The following VIPR2 variants were observed in gnomAD, a reference collection of about 807,000 sequenced individuals.
The protein encoded by VIPR2 is vasoactive intestinal peptide receptor 2.
Under a neutral mutation model 58.0 loss-of-function variants are expected in VIPR2, and 48 were observed. The observed-to-expected ratio is 0.83, with a 90% CI of 0.66 to 1.05. VIPR2 has a LOEUF of 1.05. Among genes scored for constraint, VIPR2 ranks in the 50% least tolerant of loss-of-function variants. The pLI, the probability that VIPR2 is intolerant of heterozygous loss-of-function variation, is 0.00. For synonymous variants in VIPR2, 243 were observed against 235.2 expected (o/e 1.03, Z -0.30); for missense variants, 534 against 558.0 (o/e 0.96, Z 0.43).
At chr7:159,124,803 G>A (rs1796596496) in intron 2 of VIPR2, among the ~76,000 whole-genome samples, 2 of 152,114 alleles carry the variant, frequency 1.3e-5, no homozygotes, top group South Asian at 4.1e-4. Flanking sequence ...TGTCACCTCT[G>A]ATTTCTTTGA....
Position 159,132,789 on chromosome 7 carries a change from C to CAGATTGATTTT in VIPR2, c.151+9656_151+9657insAAAATCAATCT, listed in dbSNP as rs1563354997. ...GATTTCAGACAGAATGATTGGCATA[C>CAGATTGATTTT]AGACTGATTTCAGACAGAATGATTG... On this transcript the variant is annotated intron_variant, in intron 2 of 12. Coordinates refer to ENST00000262178, the MANE Select transcript of VIPR2 (RefSeq NM_003382.5). Among the ~76,000 whole-genome samples, 16 of 141,274 alleles carry CAGATTGATTTT rather than the reference C, an allele frequency of 1.1e-4. 1 individual carries two copies. The highest frequency in any genetic ancestry group is 3.5e-4 in the African/African-American group (14 of 39,580). The allele number at this position is 141,274 out of a possible 152,430, so 92.7% of individuals were successfully genotyped here. A position where few individuals can be genotyped will look rare whatever the true frequency, so the allele number is the denominator to read the frequency against.
intron 4 of VIPR2, among the ~76,000 whole-genome samples, chr7:159,100,864 A>T (rs58692092): frequency 0.18 from 23,097 of 126,640 alleles, 2,157 homozygotes; most frequent in Middle Eastern, 0.36. Context: ...TGTTCCTGTG[A>T]TAGTGAATGG....
intron 4 of VIPR2, chr7:159,059,176 T>C: frequency 2.1e-6 from 1 of 467,500 alleles, no homozygotes; most frequent in Non-Finnish European, 4.4e-6. Context: ...ATGATCATCA[T>C]GGTGGCAGAA....
At chr7:159,073,470 T>A (rs1170801601) in intron 4 of VIPR2, among the ~76,000 whole-genome samples, 1 of 152,190 alleles carries the variant, frequency 6.6e-6, no homozygotes, top group African/African-American at 2.4e-5. Context: ...CAGGTTGGAG[T>A]GAAGTGGCCC....
At position 159,043,061 on chromosome 7, in the gene VIPR2, G is replaced by A. The variant is rs777581317; in HGVS notation, c.571C>T (p.His191Tyr). The A allele has an allele frequency of 1.9e-6, 3 of 1,614,166 alleles. No individual in the cohort carries two copies. Among genetic ancestry groups the A allele is most frequent in the Non-Finnish European group, 2.5e-6 (3 of 1,180,016 alleles). The change falls in exon 6 of 13, where the codon CAC (histidine) becomes TAC (tyrosine). Residue 191 changes from histidine (H) to tyrosine (Y), a missense_variant. Coordinates refer to ENST00000262178, the MANE Select transcript of VIPR2 (RefSeq NM_003382.5). The stretch of plus-strand genomic sequence containing the variant: ...CAGGAGGATGGCTGGTCAGGGCAGT[G>A]CAACGTGCCAGAGCTGGAGTAGAGA... ...DVLYSSSGTL[H>Y]CPDQPSSWVG...
Position 159,134,508 on chromosome 7 carries a change from G to T in VIPR2, c.151+7938C>A, listed in dbSNP as rs551952140. ...AATGAGTAAGAAAAAAACTGAGTGG[G>T]TATACACAGTTGTAGAAAGTCTGAC... is the stretch of plus-strand genomic sequence containing the variant. On this transcript the variant is annotated intron_variant, in intron 2 of 12. Transcript: ENST00000262178. 2.0e-4 allele frequency among the ~76,000 whole-genome samples: 30 copies of T among 152,178 alleles called. No individual in the cohort carries two copies. In the South Asian group the frequency reaches 6.2e-3, roughly 32 times the overall value.
At chr7:159,111,778 G>T (rs558528511) in intron 2 of VIPR2, among the ~76,000 whole-genome samples, 25 of 152,294 alleles carry the variant, frequency 1.6e-4, no homozygotes, top group African/African-American at 5.5e-4. Context: ...GCAGGCTGAG[G>T]CGGGATAATC....
At position 159,128,583 on chromosome 7, in the gene VIPR2, T is replaced by C. The variant is rs1308284649; in HGVS notation, c.151+13863A>G. Reference sequence around the variant, plus strand: ...CTGACCCTGCCTTCTTTGCTCTCCATGAAATTTCAGGAGGAGCATCCACTG... The same window carrying C: ...CTGACCCTGCCTTCTTTGCTCTCCACGAAATTTCAGGAGGAGCATCCACTG... On this transcript the variant is annotated intron_variant, in intron 2 of 12. Coordinates refer to ENST00000262178, the MANE Select transcript of VIPR2 (RefSeq NM_003382.5). This position sits in a 1 kb window ranked among gnomAD's most constrained non-coding sequence, Gnocchi z 4.1. 6.6e-6 allele frequency among the ~76,000 whole-genome samples: 1 copy of C among 152,132 alleles called. No homozygotes were observed. Among genetic ancestry groups the C allele is most frequent in the Non-Finnish European group, 1.5e-5 (1 of 68,018 alleles).
chr7:159,132,821 C>A (rs10275755), intron 2 of VIPR2, among the ~76,000 whole-genome samples: 7,861 of 26,980 alleles, frequency 0.29, 838 homozygotes, highest in African/African-American at 0.42. Flanking sequence ...ATTGGCATAC[C>A]GATTGATTTG....
Position 159,030,552 on chromosome 7 carries a change from G to A in VIPR2, c.*64C>T, listed in dbSNP as rs1853477633. 1 of 1,458,490 alleles carries A rather than the reference G, an allele frequency of 6.9e-7. No individual in the cohort carries two copies. Among genetic ancestry groups the A allele is most frequent in the Non-Finnish European group, 9.1e-7 (1 of 1,101,644 alleles). The allele number at this position is 1,458,490 out of a possible 1,614,324, so 90.3% of individuals were successfully genotyped here. On this transcript the variant is annotated 3_prime_UTR_variant, in exon 13 of 13. Transcript: ENST00000262178. ...GGGCATCTGGAAGGAGGAAGCCGGCGTCTCAGCCCCGCAGAAGCCCCGAAC... is the reference window on the plus strand; with the variant it reads ...GGGCATCTGGAAGGAGGAAGCCGGCATCTCAGCCCCGCAGAAGCCCCGAAC...
In VIPR2 at chr7:159,109,806, CA is replaced by C; in HGVS notation, c.259+5del. 2 of 1,613,850 alleles carry C rather than the reference CA, an allele frequency of 1.2e-6. No homozygotes were observed. The highest frequency in any genetic ancestry group is 1.7e-6 in the Non-Finnish European group (2 of 1,179,736). ...GGAGCTCAGGAACTCAACCGACGGACAGTACCTGCTTTGCTGTAAAAATTGC... is the reference window on the plus strand; with the variant it reads ...GGAGCTCAGGAACTCAACCGACGGACGTACCTGCTTTGCTGTAAAAATTGC... On this transcript the variant is annotated splice_donor_5th_base_variant and intron_variant, in intron 3 of 12. Transcript: ENST00000262178.
intron 2 of VIPR2, among the ~76,000 whole-genome samples, chr7:159,124,358 CAT>C (rs1796580240): frequency 6.6e-6 from 1 of 152,124 alleles, no homozygotes; most frequent in Non-Finnish European, 1.5e-5. Context: ...CGATCTCCCA[CAT>C]ATGACTAGCC....
chr7:159,030,548 C>T lies in VIPR2; in HGVS notation c.*68G>A, dbSNP rs1853476995. ...GCTCGGGCATCTGGAAGGAGGAAGCCGGCGTCTCAGCCCCGCAGAAGCCCC... is the reference window on the plus strand; with the variant it reads ...GCTCGGGCATCTGGAAGGAGGAAGCTGGCGTCTCAGCCCCGCAGAAGCCCC... On this transcript the variant is annotated 3_prime_UTR_variant, in exon 13 of 13. Transcript: ENST00000262178. 1.4e-5 allele frequency: 21 copies of T among 1,457,410 alleles called. No homozygotes were observed. Among genetic ancestry groups the T allele is most frequent in the African/African-American group, 4.3e-5 (3 of 69,562 alleles). The allele number at this position is 1,457,410 out of a possible 1,614,324, so 90.3% of individuals were successfully genotyped here.
intron 4 of VIPR2, among the ~76,000 whole-genome samples, chr7:159,081,139 A>C (rs1856878585): frequency 6.6e-6 from 1 of 152,194 alleles, no homozygotes; most frequent in Non-Finnish European, 1.5e-5. Context: ...TATGGAACCA[A>C]AAAAGAGCCT....
intron 4 of VIPR2, among the ~76,000 whole-genome samples, chr7:159,089,412 T>G (rs1462062222): frequency 8.8e-4 from 105 of 119,552 alleles, no homozygotes; most frequent in African/African-American, 3.1e-3. Flanking sequence ...GGAATGGGAA[T>G]AGCCTCAGGC....
rs1260044874 is a variant in VIPR2 at position 159,097,088 on chromosome 7, TG to T, written c.357+6668del. 1 of 1,525,192 alleles carries T rather than the reference TG, an allele frequency of 6.6e-7. No homozygotes were observed. Among genetic ancestry groups the T allele is most frequent in the East Asian group, 2.5e-5 (1 of 40,508 alleles). 94.5% of individuals were successfully genotyped at this position (1,525,192 alleles called of 1,614,324 possible). ...GCACCCTGGGAGGCTGGTGTGTCCT[TG>T]CAGGGTTGCAGGAGGGTTGGCGGGA... On this transcript the variant is annotated intron_variant, in intron 4 of 12. Transcript: ENST00000262178. This position sits in a 1 kb window ranked among gnomAD's most constrained non-coding sequence, Gnocchi z 5.3.
At chr7:159,045,909 T>TA (rs927131897) in intron 5 of VIPR2, among the ~76,000 whole-genome samples, 1 of 23,516 alleles carries the variant, frequency 4.3e-5, no homozygotes, top group African/African-American at 7.3e-5. Flanking sequence ...AAAGAACTCT[T>TA]ACAACTCAAT....
rs1159318200 is a variant in VIPR2 at position 159,093,579 on chromosome 7, G to A, written c.357+10178C>T. Among the ~76,000 whole-genome samples, 2 of 152,228 alleles carry A rather than the reference G, an allele frequency of 1.3e-5. No homozygotes were observed. The highest frequency in any genetic ancestry group is 2.9e-5 in the Non-Finnish European group (2 of 68,048). ...CTGGAGTCTGTCAGTGCAGAGCAGC[G>A]CTGGGCTCAGGATCCGAGATGGGAG... On this transcript the variant is annotated intron_variant, in intron 4 of 12. Transcript: ENST00000262178. This position sits in a 1 kb window ranked among gnomAD's most constrained non-coding sequence, Gnocchi z 6.7.
At chr7:159,103,124 C>T (rs886584027) in intron 4 of VIPR2, among the ~76,000 whole-genome samples, 3 of 152,192 alleles carry the variant, frequency 2.0e-5, no homozygotes, top group African/African-American at 7.2e-5. Context: ...GAGAAACATC[C>T]TCATTACTGA....
Sources: allele counts gnomAD v4.1 joint callset (sites outside exome capture counted in the v4.1 genomes callset), GRCh38; gene constraint gnomAD v4.1.1; non-coding constraint Gnocchi (gnomAD v3.1); transcripts MANE v1.5; gene names NCBI Gene and HGNC (gene_info 2026-07-23, HGNC 2026-07-21).